Variants in CLPB observed in about 807,000 individuals in gnomAD.
CLPB encodes the protein ClpB family mitochondrial disaggregase.
Under a neutral mutation model 78.4 loss-of-function variants are expected in CLPB, and 40 were observed. The ratio of observed to expected loss-of-function variants is 0.51; its 90% CI spans 0.40 to 0.66. The LOEUF (loss-of-function observed/expected upper bound fraction) is 0.66, where lower values mean the gene tolerates loss of function less well. CLPB is among the 30% of genes least tolerant of loss of function. The pLI is 0.00. For synonymous variants in CLPB, 333 were observed against 348.0 expected, an observed-to-expected ratio of 0.96 and a Z score of 0.48; for missense variants, 780 against 886.9, an observed-to-expected ratio of 0.88 and a Z score of 1.53.
rs558637673 is a variant in CLPB, at chr11:72,285,849, A to G, written c.*7518T>C. The G allele has an allele frequency of 6.6e-6, 1 of 152,178 alleles. No homozygotes were observed. Among genetic ancestry groups the G allele is most frequent in the African/African-American group, 2.4e-5 (1 of 41,516 alleles). The allele number at this position is 152,178 out of a possible 1,614,324, so 9.4% of individuals were successfully genotyped here. On this transcript the variant is annotated 3_prime_UTR_variant, in exon 16 of 16. Coordinates refer to ENST00000538039, the MANE Select transcript of CLPB (RefSeq NM_001258392.3). ...GTAAATGGAATGTTTTTCTTTTGAT[A>G]CTGTTTCTAGTTGATTATTGCTAGA...
intron 2 of CLPB, among the ~76,000 whole-genome samples, chr11:72,407,603 G>C (rs1420389002): frequency 6.6e-6 from 1 of 151,996 alleles, no homozygotes; most frequent in African/African-American, 2.4e-5. Flanking sequence ...AGAACATACA[G>C]GAGAGTCAGG....
rs538039124 is a variant in CLPB, at chr11:72,379,530, T to C, written c.646+751A>G. On this transcript the variant is annotated intron_variant, in intron 4 of 15. Coordinates refer to ENST00000538039, the MANE Select transcript of CLPB (RefSeq NM_001258392.3). ...GCTGAGGCACCCCCCAACAGACACA[T>C]GATCGAGCCCTAGTGCAAACCCAAA... 3.9e-5 allele frequency among the ~76,000 whole-genome samples: 6 copies of C among 152,170 alleles called. No homozygotes were observed. In the South Asian group the frequency reaches 1.2e-3, roughly 32 times the overall value.
chr11:72,304,240 T>C (rs867566195), intron 9 of CLPB: 4 of 152,240 alleles, frequency 2.6e-5, no homozygotes, highest in Non-Finnish European at 5.9e-5. Context: ...CATGTACTGA[T>C]TGCTTACCAC....
At chr11:72,407,271 C>T (rs942663915) in intron 2 of CLPB, among the ~76,000 whole-genome samples, 12 of 152,200 alleles carry the variant, frequency 7.9e-5, no homozygotes, top group Non-Finnish European at 1.8e-4. Flanking sequence ...CCCCACTGAC[C>T]CTTCCACAAG....
chr11:72,432,142 T>G (rs1856562938), intron 1 of CLPB, among the ~76,000 whole-genome samples: 1 of 152,090 alleles, frequency 6.6e-6, no homozygotes, highest in African/African-American at 2.4e-5. Flanking sequence ...GACCTTATCC[T>G]CCAACCAAGC....
intron 2 of CLPB, among the ~76,000 whole-genome samples, chr11:72,426,158 T>A (rs1421605227): frequency 6.6e-6 from 1 of 152,122 alleles, no homozygotes; most frequent in African/African-American, 2.4e-5. Context: ...CTTGGGCTGA[T>A]GAACAACTGA....
chr11:72,314,478 G>C (rs192734421), intron 7 of CLPB, among the ~76,000 whole-genome samples: 2 of 152,228 alleles, frequency 1.3e-5, no homozygotes, highest in African/African-American at 4.8e-5. Context: ...CAGCTTCTCT[G>C]TTTTACCTCA....
intron 2 of CLPB, among the ~76,000 whole-genome samples, chr11:72,426,871 A>G (rs1187196670): frequency 1.3e-5 from 2 of 152,194 alleles, no homozygotes; most frequent in Admixed American, 6.5e-5. Context: ...CCTGACCTCC[A>G]GCTTCTCTTC....
chr11:72,306,946 G>A (rs1949757259), intron 9 of CLPB, among the ~76,000 whole-genome samples: 1 of 152,072 alleles, frequency 6.6e-6, no homozygotes, highest in Non-Finnish European at 1.5e-5. Context: ...GTTTCCTCAA[G>A]AGTCAGGCAG....
intron 3 of CLPB, among the ~76,000 whole-genome samples, chr11:72,398,608 A>G (rs1313629185): frequency 2.0e-5 from 3 of 152,238 alleles, no homozygotes; most frequent in Admixed American, 2.0e-4. Context: ...TATTTGCACA[A>G]GCCGGTGAAG....
chr11:72,400,037 G>A (rs1300442716), intron 3 of CLPB, among the ~76,000 whole-genome samples: 2 of 151,892 alleles, frequency 1.3e-5, no homozygotes, highest in Non-Finnish European at 2.9e-5. Flanking sequence ...TTTTTCCCAC[G>A]GCACTTATCT....
rs1838683696 is a variant in CLPB at position 72,287,221 on chromosome 11, G to A, written c.*6146C>T. 2.0e-5 allele frequency: 3 copies of A among 152,128 alleles called. No homozygotes were observed. The highest frequency in any genetic ancestry group is 6.5e-5 in the Admixed American group (1 of 15,272). The allele number at this position is 152,128 out of a possible 1,614,324, so 9.4% of individuals were successfully genotyped here. A position where few individuals can be genotyped will look rare whatever the true frequency, so the allele number is the denominator to read the frequency against. ...TTTGGGGGTTGAGTGATGGCTATAG[G>A]AGTGTGTTTACTTTGTAATCATTCA... On this transcript the variant is annotated 3_prime_UTR_variant, in exon 16 of 16. Transcript: ENST00000538039.
chr11:72,360,120 AGCC>A (rs994753750), intron 4 of CLPB, among the ~76,000 whole-genome samples: 5 of 152,200 alleles, frequency 3.3e-5, no homozygotes, highest in African/African-American at 4.8e-5. Flanking sequence ...GCTTCTTTCT[AGCC>A]CCCATGTGAA....
chr11:72,357,932 A>T (rs1240832592), intron 5 of CLPB, among the ~76,000 whole-genome samples: 2 of 152,240 alleles, frequency 1.3e-5, no homozygotes, highest in African/African-American at 4.8e-5. Context: ...CCAAGAGAGG[A>T]TCCCTGGCCC....
chr11:72,334,250 G>A (rs1418618267), intron 5 of CLPB, among the ~76,000 whole-genome samples: 1 of 152,160 alleles, frequency 6.6e-6, no homozygotes, highest in East Asian at 1.9e-4. Context: ...ATGGGGACAG[G>A]TAGGACATCT....
At chr11:72,325,800 C>T (rs895002892) in intron 6 of CLPB, among the ~76,000 whole-genome samples, 1 of 152,120 alleles carries the variant, frequency 6.6e-6, no homozygotes, top group Non-Finnish European at 1.5e-5. Flanking sequence ...GTGCACACTC[C>T]CAATCCCCAA....
chr11:72,353,712 G>T (rs1018855448), intron 5 of CLPB, among the ~76,000 whole-genome samples: 2 of 152,174 alleles, frequency 1.3e-5, no homozygotes, highest in Non-Finnish European at 2.9e-5. Context: ...ACTTCAGAAG[G>T]AAGGTGGCAT....
rs992232953 is a variant in CLPB at position 72,398,916 on chromosome 11, G to A, written c.542+4050C>T. The stretch of plus-strand genomic sequence containing the variant: ...TGGCCATCACATTACTCAAGTCCTG[G>A]ATGTCGGCAGTCCAAGTAAGCTTCT... On this transcript the variant is annotated intron_variant, in intron 3 of 15. Transcript: ENST00000538039. 7.2e-5 allele frequency among the ~76,000 whole-genome samples: 11 copies of A among 152,306 alleles called. No individual in the cohort carries two copies. In the South Asian group the frequency reaches 2.3e-3, roughly 32 times the overall value.
At chr11:72,386,616 G>GT (rs1033147282) in intron 3 of CLPB, among the ~76,000 whole-genome samples, 54 of 152,248 alleles carry the variant, frequency 3.5e-4, no homozygotes, top group African/African-American at 1.3e-3. Flanking sequence ...GTCCTTACAG[G>GT]TAAGCCCAAA....
Sources: gnomAD v4.1 joint callset for allele counts (sites outside exome capture counted in the v4.1 genomes callset) on GRCh38, gnomAD v4.1.1 for gene constraint, MANE v1.5 for transcripts, NCBI Gene and HGNC (gene_info 2026-07-23, HGNC 2026-07-21) for gene names.